The following NFATC2 variants were observed in gnomAD, a reference collection of about 807,000 sequenced individuals.
NFATC2 encodes nuclear factor of activated T cells 2, also known as nuclear factor of activated T-cells, cytoplasmic 2.
Under a neutral mutation model 87.3 loss-of-function variants are expected in NFATC2, and 22 were observed. That is an observed-to-expected ratio of 0.25 (90% CI 0.18 to 0.36). The LOEUF is 0.36. Ranked by LOEUF, NFATC2 falls within the 10% of genes least tolerant of loss-of-function variation. The pLI is 1.00. For synonymous variants in NFATC2, 565 were observed against 542.2 expected, an observed-to-expected ratio of 1.04 and a Z score of -0.58; for missense variants, 1,149 against 1,259.1, an observed-to-expected ratio of 0.91 and a Z score of 1.32.
intron 9 of NFATC2, among the ~76,000 whole-genome samples, chr20:51,422,581 T>TC (rs1325850672): frequency 7.9e-5 from 12 of 151,214 alleles, no homozygotes; most frequent in Non-Finnish European, 1.5e-4. Flanking sequence ...TTTTTTTTTT[T>TC]TTTTCTGAAA....
intron 3 of NFATC2, among the ~76,000 whole-genome samples, chr20:51,489,302 T>C (rs1453728304): frequency 1.3e-5 from 2 of 152,152 alleles, no homozygotes; most frequent in Non-Finnish European, 2.9e-5. Context: ...TTCCAGTGCT[T>C]GGAGTATAGA....
At chr20:51,535,484 T>C (rs2076704839) in intron 1 of NFATC2, among the ~76,000 whole-genome samples, 1 of 152,238 alleles carries the variant, frequency 6.6e-6, no homozygotes, top group Admixed American at 6.5e-5. Context: ...ATTAATGCCT[T>C]CTTGACTGAC....
At chr20:51,555,173 G>T (rs1184764975) in intron 1 of NFATC2, among the ~76,000 whole-genome samples, 1 of 152,162 alleles carries the variant, frequency 6.6e-6, no homozygotes, top group African/African-American at 2.4e-5. Context: ...TACCTGGCTA[G>T]AGGCTGCTCT....
At chr20:51,505,940 T>G (rs1302591394) in intron 3 of NFATC2, among the ~76,000 whole-genome samples, 1 of 152,130 alleles carries the variant, frequency 6.6e-6, no homozygotes, top group Non-Finnish European at 1.5e-5. Flanking sequence ...AGAGGACAAA[T>G]TAATAAGAAA....
chr20:51,445,874 C>T (rs749251937), intron 6 of NFATC2, among the ~76,000 whole-genome samples: 8 of 152,186 alleles, frequency 5.3e-5, no homozygotes, highest in Non-Finnish European at 1.0e-4. Flanking sequence ...CGCTTGGATG[C>T]TCAGTCAAGG....
At position 51,480,297 on chromosome 20, in the gene NFATC2, A is replaced by AAAAT. The variant is rs375722307; in HGVS notation, c.1333-4638_1333-4637insATTT. On this transcript the variant is annotated intron_variant, in intron 3 of 10. Transcript: ENST00000371564. The surrounding 1 kb of genome is among the most constrained non-coding windows in gnomAD (Gnocchi z 4.2). ...AGCAAGACTCTGTCTCAAAAAAAAT[A>AAAAT]GAATGTGCTTCCTGCCGCACAGGAG... 3.3e-4 allele frequency among the ~76,000 whole-genome samples: 50 copies of AAAAT among 151,646 alleles called. No homozygotes were observed. The highest frequency in any genetic ancestry group is 5.6e-4 in the Non-Finnish European group (38 of 67,910).
intron 9 of NFATC2, among the ~76,000 whole-genome samples, chr20:51,413,163 G>A (rs1375345159): frequency 1.3e-5 from 2 of 151,916 alleles, no homozygotes; most frequent in South Asian, 4.2e-4. Flanking sequence ...GTGAGAAATC[G>A]ATTTTCTCAC....
intron 4 of NFATC2, 79 bp downstream of exon 4, chr20:51,475,379 C>A: frequency 2.2e-6 from 3 of 1,370,488 alleles, no homozygotes; most frequent in South Asian, 1.2e-5. Context: ...TCTGTAGAGT[C>A]CCCTCTCCCA....
rs144953392 is a variant in NFATC2, at chr20:51,449,634, C to A, written c.1849+4914G>T. On this transcript the variant is annotated intron_variant, in intron 6 of 10. Transcript: ENST00000371564. ...CTGAAGGGTCTTCACGCAAAATTAA[C>A]CTGGTTCTAAGCTTTTTAAGCATAG... Among the ~76,000 whole-genome samples, 1,240 of 152,250 alleles carry A rather than the reference C, an allele frequency of 8.1e-3. 20 individuals carry two copies. Among genetic ancestry groups the A allele is most frequent in the African/African-American group, 0.028 (1,176 of 41,540 alleles).
intron 9 of NFATC2, among the ~76,000 whole-genome samples, chr20:51,400,410 G>A (rs578015413): frequency 1.0e-4 from 15 of 146,370 alleles, no homozygotes; most frequent in Admixed American, 8.3e-4. Flanking sequence ...CCCAGAACAC[G>A]AGTTCTCTCT....
intron 3 of NFATC2, among the ~76,000 whole-genome samples, chr20:51,512,380 C>A (rs899513100): frequency 6.6e-6 from 1 of 152,196 alleles, no homozygotes; most frequent in Non-Finnish European, 1.5e-5. Flanking sequence ...CCAACTCAAA[C>A]CATCCTAGTC....
At chr20:51,557,477 G>A (rs1296649045) in intron 1 of NFATC2, among the ~76,000 whole-genome samples, 1 of 152,196 alleles carries the variant, frequency 6.6e-6, no homozygotes, top group Non-Finnish European at 1.5e-5. Context: ...GTGAGTGGTG[G>A]CTGCTGTCAC....
intron 9 of NFATC2, among the ~76,000 whole-genome samples, chr20:51,422,597 G>A (rs1258170937): frequency 1.3e-5 from 2 of 149,606 alleles, no homozygotes; most frequent in African/African-American, 2.5e-5. Context: ...TGAAAGGGTG[G>A]AAACTAAAGG....
At chr20:51,515,078 A>G (rs1028661649) in intron 3 of NFATC2, among the ~76,000 whole-genome samples, 4 of 152,186 alleles carry the variant, frequency 2.6e-5, no homozygotes, top group Non-Finnish European at 5.9e-5. Context: ...GGATTCCTGA[A>G]ATAATCCTGG....
At chr20:51,413,357 A>G (rs940145683) in intron 9 of NFATC2, among the ~76,000 whole-genome samples, 9 of 152,142 alleles carry the variant, frequency 5.9e-5, no homozygotes, top group Non-Finnish European at 1.0e-4. Flanking sequence ...ACCAGGACAC[A>G]GTCTGTCTCC....
chr20:51,557,498 A>G (rs2076988803), intron 1 of NFATC2, among the ~76,000 whole-genome samples: 3 of 152,162 alleles, frequency 2.0e-5, no homozygotes, highest in Admixed American at 2.0e-4. Flanking sequence ...TGTCATTGTC[A>G]TTTGTGGCTT....
At chr20:51,402,600 C>CTGAG (rs1406501624) in intron 9 of NFATC2, among the ~76,000 whole-genome samples, 1 of 152,094 alleles carries the variant, frequency 6.6e-6, no homozygotes, top group Non-Finnish European at 1.5e-5. Flanking sequence ...AAATAAATAC[C>CTGAG]TGAGTTTTGG....
At chr20:51,517,033 T>C (rs2076362544) in intron 2 of NFATC2, 78 bp from the exon 3 acceptor site, 1 of 1,392,520 alleles carries the variant, frequency 7.2e-7, no homozygotes, top group East Asian at 2.4e-5. Flanking sequence ...TAAACGGCCC[T>C]TTCTGAAAAT....
chr20:51,543,975 ATTTTTTT>A (rs11473264), upstream of NFATC2, among the ~76,000 whole-genome samples: 10 of 72,978 alleles, frequency 1.4e-4, no homozygotes, highest in East Asian at 1.5e-3. Context: ...AGAATTCCTA[ATTTTTTT>A]TTTTTTTTTT....
Sources: gnomAD v4.1 joint callset for allele counts (sites outside exome capture counted in the v4.1 genomes callset) on GRCh38, gnomAD v4.1.1 for gene constraint, Gnocchi (gnomAD v3.1) non-coding constraint, MANE v1.5 for transcripts, NCBI Gene and HGNC (gene_info 2026-07-23, HGNC 2026-07-21) for gene names.